The following PRDM5 variants were observed in gnomAD, a reference collection of about 807,000 sequenced individuals.
PRDM5 encodes PR domain zinc finger protein 5.
Under a neutral mutation model 81.2 loss-of-function variants are expected in PRDM5, and 56 were observed. The ratio of observed to expected loss-of-function variants is 0.69; its 90% CI spans 0.56 to 0.86. PRDM5 has a LOEUF of 0.86. Among genes scored for constraint, PRDM5 ranks in the 40% least tolerant of loss-of-function variants. PRDM5 has a pLI of 0.00. For synonymous variants in PRDM5, 267 were observed against 256.4 expected, an observed-to-expected ratio of 1.04 and a Z score of -0.39; for missense variants, 697 against 770.1, an observed-to-expected ratio of 0.91 and a Z score of 1.12.
chr4:120,742,086 C>A (rs111445410), intron 14 of PRDM5, among the ~76,000 whole-genome samples: 110 of 152,314 alleles, frequency 7.2e-4, no homozygotes, highest in African/African-American at 2.6e-3. Flanking sequence ...GATCTGAGAA[C>A]AGGCAGACTG....
At chr4:120,736,894 C>A (rs776614028) in intron 14 of PRDM5, among the ~76,000 whole-genome samples, 20 of 152,176 alleles carry the variant, frequency 1.3e-4, no homozygotes, top group Non-Finnish European at 2.9e-4. Flanking sequence ...AAATAAAATA[C>A]TATAATTTGC....
chr4:120,815,198 G>GA (rs1754325428), intron 7 of PRDM5, among the ~76,000 whole-genome samples: 1 of 152,144 alleles, frequency 6.6e-6, no homozygotes, highest in East Asian at 1.9e-4. Context: ...GAACAGCATT[G>GA]AAAATCAAAA....
intron 3 of PRDM5, among the ~76,000 whole-genome samples, chr4:120,824,072 C>T (rs1578882503): frequency 6.6e-6 from 1 of 152,280 alleles, no homozygotes; most frequent in South Asian, 2.1e-4. Flanking sequence ...CAGATGCTGG[C>T]ACCACACTTC....
chr4:120,720,687 T>C (rs1367123270), intron 14 of PRDM5, among the ~76,000 whole-genome samples: 1 of 152,220 alleles, frequency 6.6e-6, no homozygotes, highest in Non-Finnish European at 1.5e-5. Context: ...TTTATAGCTT[T>C]TGTGGCTTTT....
chr4:120,918,729 T>G (rs1724522636), intron 1 of PRDM5, among the ~76,000 whole-genome samples: 1 of 151,220 alleles, frequency 6.6e-6, no homozygotes, highest in Non-Finnish European at 1.5e-5. Context: ...TGCCTTGGTT[T>G]GGAAAGGAGG....
intron 3 of PRDM5, among the ~76,000 whole-genome samples, chr4:120,843,330 C>A (rs1758258547): frequency 6.6e-6 from 1 of 151,990 alleles, no homozygotes; most frequent in African/African-American, 2.4e-5. Flanking sequence ...GAGAGAGACC[C>A]TGTCTCAAGA....
At chr4:120,889,105 A>G (rs1418342442) in intron 2 of PRDM5, among the ~76,000 whole-genome samples, 1 of 151,978 alleles carries the variant, frequency 6.6e-6, no homozygotes. Context: ...TTTCCACTTA[A>G]GGTTAGTGTT....
chr4:120,786,251 T>G (rs774031135), intron 10 of PRDM5, among the ~76,000 whole-genome samples: 1 of 152,158 alleles, frequency 6.6e-6, no homozygotes, highest in Non-Finnish European at 1.5e-5. Flanking sequence ...GAGAAAGACA[T>G]TTTCATGTTT....
chr4:120,732,345 T>C (rs1214062118), intron 14 of PRDM5, among the ~76,000 whole-genome samples: 1 of 152,208 alleles, frequency 6.6e-6, no homozygotes, highest in Non-Finnish European at 1.5e-5. Flanking sequence ...TAACATCTAA[T>C]ATTAAGTAAT....
intron 2 of PRDM5, among the ~76,000 whole-genome samples, chr4:120,894,155 T>C (rs1764367362): frequency 6.6e-6 from 1 of 152,212 alleles, no homozygotes; most frequent in South Asian, 2.1e-4. Context: ...ATTTTTCCCT[T>C]GTATTAACTT....
chr4:120,769,382 G>T (rs1746896483), intron 13 of PRDM5, among the ~76,000 whole-genome samples: 1 of 152,108 alleles, frequency 6.6e-6, no homozygotes, highest in Non-Finnish European at 1.5e-5. Flanking sequence ...TAACAAGGCA[G>T]GGGTAGGGGA....
chr4:120,821,839 T>C (rs1755321476), intron 3 of PRDM5, among the ~76,000 whole-genome samples: 1 of 146,484 alleles, frequency 6.8e-6, no homozygotes, highest in African/African-American at 2.5e-5. Context: ...GGTCCCGAAA[T>C]AGAAAAAATA....
chr4:120,855,605 C>T (rs1391408500), intron 2 of PRDM5, among the ~76,000 whole-genome samples: 1 of 152,164 alleles, frequency 6.6e-6, no homozygotes, highest in Non-Finnish European at 1.5e-5. Context: ...ATTTTTTTGG[C>T]AGAGTAAACA....
chr4:120,852,862 T>C (rs540059884), intron 3 of PRDM5, among the ~76,000 whole-genome samples: 1 of 148,326 alleles, frequency 6.7e-6, no homozygotes, highest in Non-Finnish European at 1.5e-5. Context: ...TGGAACAGCA[T>C]CTTCATGGCT....
chr4:120,806,461 A>C (rs879139368), intron 8 of PRDM5, among the ~76,000 whole-genome samples: 5 of 152,230 alleles, frequency 3.3e-5, no homozygotes, highest in Admixed American at 6.5e-5. Context: ...CTACAAGGCT[A>C]CAGTAACCAA....
At chr4:120,781,910 A>G (rs893587923) in intron 11 of PRDM5, among the ~76,000 whole-genome samples, 1 of 152,154 alleles carries the variant, frequency 6.6e-6, no homozygotes, top group African/African-American at 2.4e-5. Flanking sequence ...CAAGGCTTTG[A>G]GGGATGGGGT....
At chr4:120,855,465 G>A (rs1380802493) in intron 2 of PRDM5, among the ~76,000 whole-genome samples, 1 of 152,066 alleles carries the variant, frequency 6.6e-6, no homozygotes, top group Non-Finnish European at 1.5e-5. Flanking sequence ...AAATTGTTCT[G>A]CCTCCCTACT....
chr4:120,836,501 T>C (rs1245697442), intron 3 of PRDM5, among the ~76,000 whole-genome samples: 1 of 152,210 alleles, frequency 6.6e-6, no homozygotes, highest in Non-Finnish European at 1.5e-5. Context: ...CAATTCCAAA[T>C]GACTTTTAAC....
intron 14 of PRDM5, among the ~76,000 whole-genome samples, chr4:120,727,663 C>G (rs767073268): frequency 6.6e-6 from 1 of 152,068 alleles, no homozygotes. Flanking sequence ...GGGCCAGGCA[C>G]GGTGGCTCAC....
Sources: gnomAD v4.1 joint callset for allele counts (sites outside exome capture counted in the v4.1 genomes callset) on GRCh38, gnomAD v4.1.1 for gene constraint, MANE v1.5 for transcripts, NCBI Gene and HGNC (gene_info 2026-07-23, HGNC 2026-07-21) for gene names.